ENPP1: variants seen among roughly 807,000 people sequenced by gnomAD.
ENPP1 encodes the protein ectonucleotide pyrophosphatase/phosphodiesterase 1.
A neutral mutation model predicts 122.8 loss-of-function variants in ENPP1; 73 were observed. The observed-to-expected ratio is 0.59, with a 90% confidence interval of 0.49 to 0.72. The LOEUF (loss-of-function observed/expected upper bound fraction) is 0.72, where lower values mean the gene tolerates loss of function less well. Among genes scored for constraint, ENPP1 ranks in the 30% least tolerant of loss-of-function variants. ENPP1 has a pLI of 0.00. For missense variants in ENPP1, 978 were observed against 1,128.1 expected, an observed-to-expected ratio of 0.87 and a Z score of 1.91; for synonymous variants, 367 against 391.6, an observed-to-expected ratio of 0.94 and a Z score of 0.74.
chr6:131,868,896 C>A (rs1414167658), intron 12 of ENPP1, among the ~76,000 whole-genome samples: 1 of 152,138 alleles, frequency 6.6e-6, no homozygotes, highest in East Asian at 1.9e-4. Flanking sequence ...AAAATAGGTT[C>A]TTTTTGTTTT....
At chr6:131,890,260 A>G (rs894532571) in intron 24 of ENPP1, 81 bp from the exon 25 acceptor site, 26 of 1,118,226 alleles carry the variant, frequency 2.3e-5, no homozygotes, top group Non-Finnish European at 2.7e-5. Context: ...GTAAATGATT[A>G]AACTGGGGAG....
At chr6:131,860,302 G>C (rs778936363) in intron 7 of ENPP1, 85 bp from the exon 8 acceptor site, 10 of 1,045,534 alleles carry the variant, frequency 9.6e-6, no homozygotes, top group Non-Finnish European at 1.4e-5. Flanking sequence ...TTCAGTTATC[G>C]GTTTCTTTTT....
chr6:131,825,810 T>A (rs568815182), intron 1 of ENPP1, among the ~76,000 whole-genome samples: 83 of 152,284 alleles, frequency 5.5e-4, no homozygotes, highest in South Asian at 1.7e-3. Context: ...AGGTGACACA[T>A]TTCTAAAATT....
At chr6:131,824,516 G>T (rs1031424829) in intron 1 of ENPP1, among the ~76,000 whole-genome samples, 6 of 151,994 alleles carry the variant, frequency 3.9e-5, no homozygotes, top group African/African-American at 1.4e-4. Context: ...GTGCAGTGGC[G>T]CCATCTCGGC....
chr6:131,859,037 C>A (rs932986763), intron 7 of ENPP1, among the ~76,000 whole-genome samples: 2 of 152,088 alleles, frequency 1.3e-5, no homozygotes, highest in East Asian at 3.9e-4. Flanking sequence ...ATTCTTGTAT[C>A]CTAGTTTTGA....
chr6:131,824,799 G>A (rs62424473), intron 1 of ENPP1, among the ~76,000 whole-genome samples: 6 of 151,680 alleles, frequency 4.0e-5, no homozygotes, highest in Admixed American at 1.3e-4. Flanking sequence ...AGTGGCTCAC[G>A]CCTGTAATCC....
rs1347582974 is a variant in ENPP1 at position 131,893,612 on chromosome 6, C to G, written c.*3101C>G. ...CTTTTTCTTGCTTAGTTATAATAAT[C>G]TGTTCTTAAAGAAAATGTCAGTCTC... is the stretch of plus-strand genomic sequence containing the variant. On this transcript the variant is annotated 3_prime_UTR_variant, in exon 25 of 25. Transcript: ENST00000647893. 1 of 152,240 alleles carries G rather than the reference C, an allele frequency of 6.6e-6. No individual in the cohort carries two copies. Among genetic ancestry groups the G allele is most frequent in the Non-Finnish European group, 1.5e-5 (1 of 68,032 alleles). 9.4% of individuals were successfully genotyped at this position (152,240 alleles called of 1,614,324 possible). A position where few individuals can be genotyped will look rare whatever the true frequency, so the allele number is the denominator to read the frequency against.
intron 1 of ENPP1, among the ~76,000 whole-genome samples, chr6:131,814,154 A>G (rs901795701): frequency 6.6e-6 from 1 of 152,212 alleles, no homozygotes; most frequent in Admixed American, 6.5e-5. Flanking sequence ...ACCACACAAG[A>G]TAAGATTTCT....
intron 1 of ENPP1, chr6:131,820,751 T>C (rs1781475274): frequency 1.3e-5 from 2 of 152,228 alleles, no homozygotes; most frequent in African/African-American, 4.8e-5. Context: ...TTGGAGACTT[T>C]CCAAGATCAC....
intron 1 of ENPP1, among the ~76,000 whole-genome samples, chr6:131,824,058 C>T (rs929507936): frequency 5.3e-5 from 8 of 151,552 alleles, no homozygotes; most frequent in Non-Finnish European, 1.0e-4. Flanking sequence ...CAGTCTGGTG[C>T]AAGAGGCTGG....
At chr6:131,818,704 C>A (rs1458079902) in intron 1 of ENPP1, among the ~76,000 whole-genome samples, 3 of 152,004 alleles carry the variant, frequency 2.0e-5, no homozygotes, top group Non-Finnish European at 4.4e-5. Context: ...ACCTAGATTA[C>A]CTGTCTTTTT....
chr6:131,816,042 C>A (rs902806316), intron 1 of ENPP1, among the ~76,000 whole-genome samples: 3 of 152,020 alleles, frequency 2.0e-5, no homozygotes. Flanking sequence ...TCATCTTCAT[C>A]CAGCTGACTC....
chr6:131,843,797 CT>C (rs1781771355), intron 1 of ENPP1, among the ~76,000 whole-genome samples: 1 of 151,868 alleles, frequency 6.6e-6, no homozygotes, highest in South Asian at 2.1e-4. Flanking sequence ...CGTTGACAGT[CT>C]TTGTTGTCGC....
At chr6:131,885,814 C>T (rs1782370369) in intron 23 of ENPP1, among the ~76,000 whole-genome samples, 1 of 152,136 alleles carries the variant, frequency 6.6e-6, no homozygotes, top group African/African-American at 2.4e-5. Context: ...TCCCTTGAGG[C>T]ATAAAGCTGC....
At chr6:131,810,444 C>T (rs1456515665) in intron 1 of ENPP1, among the ~76,000 whole-genome samples, 1 of 75,116 alleles carries the variant, frequency 1.3e-5, no homozygotes, top group East Asian at 4.4e-4. Context: ...TTTCCCCCAA[C>T]CCCGCCCCCC....
intron 23 of ENPP1, among the ~76,000 whole-genome samples, chr6:131,885,839 C>T (rs952906388): frequency 6.6e-6 from 1 of 152,168 alleles, no homozygotes; most frequent in Non-Finnish European, 1.5e-5. Flanking sequence ...GAAGCTGTAG[C>T]ACTGGAGAGG....
intron 1 of ENPP1, among the ~76,000 whole-genome samples, chr6:131,816,947 A>G (rs1432619692): frequency 6.6e-6 from 1 of 152,226 alleles, no homozygotes; most frequent in African/African-American, 2.4e-5. Context: ...ATTATTGTGC[A>G]TAAAAACCAC....
intron 1 of ENPP1, among the ~76,000 whole-genome samples, chr6:131,838,241 G>C (rs1370160976): frequency 1.3e-5 from 2 of 152,148 alleles, no homozygotes; most frequent in Non-Finnish European, 2.9e-5. Flanking sequence ...GATGATTAAA[G>C]CATAAGGTAG....
chr6:131,860,578 T>A (rs1782009240), intron 8 of ENPP1, 72 bp downstream of exon 8: 1 of 1,200,036 alleles, frequency 8.3e-7, no homozygotes, highest in East Asian at 2.4e-5. Context: ...AATAACCAGA[T>A]TCTCTAGAGC....
Sources: gnomAD v4.1 joint callset for allele counts (sites outside exome capture counted in the v4.1 genomes callset) on GRCh38, gnomAD v4.1.1 for gene constraint, MANE v1.5 for transcripts, NCBI Gene and HGNC (gene_info 2026-07-23, HGNC 2026-07-21) for gene names.